Variants in PDE7A observed in about 807,000 individuals in gnomAD.
PDE7A encodes the protein high affinity 3',5'-cyclic-AMP phosphodiesterase 7A.
PDE7A carries 39 observed loss-of-function variants against 64.3 expected under a neutral mutation model. The observed-to-expected ratio is 0.61, with a 90% CI of 0.47 to 0.79. The LOEUF (loss-of-function observed/expected upper bound fraction) is 0.79, where lower values mean the gene tolerates loss of function less well. Ranked by LOEUF, PDE7A falls within the 30% of genes least tolerant of loss-of-function variation. The pLI, the probability that PDE7A is intolerant of heterozygous loss-of-function variation, is 0.00. For missense variants in PDE7A, 470 were observed against 582.8 expected (o/e 0.81, Z 1.99); for synonymous variants, 203 against 206.8 (o/e 0.98, Z 0.16).
intron 1 of PDE7A, among the ~76,000 whole-genome samples, chr8:65,829,326 C>T (rs79079699): frequency 0.016 from 2,485 of 152,140 alleles, 66 homozygotes; most frequent in African/African-American, 0.056. Context: ...CCAAATGACC[C>T]ATTATACTTC....
intron 3 of PDE7A, among the ~76,000 whole-genome samples, chr8:65,761,652 A>C (rs1808500185): frequency 6.6e-6 from 1 of 152,198 alleles, no homozygotes; most frequent in African/African-American, 2.4e-5. Context: ...ACCAAGAACA[A>C]ACTACCAGCC....
intron 1 of PDE7A, among the ~76,000 whole-genome samples, chr8:65,788,403 CGTATTTTAGCA>C (rs774871870): frequency 2.0e-5 from 3 of 152,038 alleles, no homozygotes; most frequent in Non-Finnish European, 4.4e-5. Flanking sequence ...AGCTAAGGCA[CGTATTTTAGCA>C]GTAGCAAGAC....
chr8:65,730,754 C>T (rs1366507027), intron 7 of PDE7A, among the ~76,000 whole-genome samples: 5 of 151,990 alleles, frequency 3.3e-5, no homozygotes, highest in Non-Finnish European at 5.9e-5. Flanking sequence ...ATGGCAAAAC[C>T]CCATCTCTAC....
intron 1 of PDE7A, among the ~76,000 whole-genome samples, chr8:65,831,430 C>T (rs1385502759): frequency 6.6e-6 from 1 of 152,042 alleles, no homozygotes; most frequent in African/African-American, 2.4e-5. Flanking sequence ...TACTTTTTAC[C>T]TCCCAAAGCA....
chr8:65,759,125 C>T (rs909657275), intron 3 of PDE7A, among the ~76,000 whole-genome samples: 4 of 152,176 alleles, frequency 2.6e-5, no homozygotes, highest in African/African-American at 9.7e-5. Context: ...TACGTCTTTT[C>T]CAAACTATTT....
At position 65,777,526 on chromosome 8, in the gene PDE7A, T is replaced by C. The variant is rs1809294892; in HGVS notation, c.283+2194A>G. Reference sequence around the variant, plus strand: ...ATTTGATAATATGTTATTTAGGATGTTTCCTCTATATTCATGAGCGATTTG... The same window carrying C: ...ATTTGATAATATGTTATTTAGGATGCTTCCTCTATATTCATGAGCGATTTG... On this transcript the variant is annotated intron_variant, in intron 3 of 12. Transcript: ENST00000401827. 2.0e-5 allele frequency among the ~76,000 whole-genome samples: 3 copies of C among 152,352 alleles called. No homozygotes were observed. The South Asian group carries it at 6.2e-4, about 32-fold the overall frequency.
rs778557271 is a variant in PDE7A at position 65,716,734 on chromosome 8, G to C, written c.*2556C>G. On this transcript the variant is annotated 3_prime_UTR_variant, in exon 13 of 13. Transcript: ENST00000401827. Reference sequence around the variant, plus strand: ...AGTTACTGTGAGCTTGGTTAATGTGGGTTTGCCATGATAGTTCCACTCTCT... The same window carrying C: ...AGTTACTGTGAGCTTGGTTAATGTGCGTTTGCCATGATAGTTCCACTCTCT... 3.9e-5 allele frequency among the ~76,000 whole-genome samples: 6 copies of C among 152,188 alleles called. No homozygotes were observed. Among genetic ancestry groups the C allele is most frequent in the Non-Finnish European group, 8.8e-5 (6 of 68,040 alleles).
intron 1 of PDE7A, chr8:65,789,179 A>G: frequency 1.6e-6 from 1 of 608,364 alleles, no homozygotes. Context: ...TTGGGGTAGA[A>G]CTGCCTAAGT....
chr8:65,750,474 C>CTG (rs371620919), intron 3 of PDE7A, among the ~76,000 whole-genome samples: 37,977 of 142,240 alleles, frequency 0.27, 5,717 homozygotes, highest in Non-Finnish European at 0.37. Flanking sequence ...ATTAGAATCA[C>CTG]TGTGTGTGTG....
chr8:65,796,351 C>G (rs919262957), intron 1 of PDE7A, among the ~76,000 whole-genome samples: 1 of 151,994 alleles, frequency 6.6e-6, no homozygotes, highest in Non-Finnish European at 1.5e-5. Context: ...TACCTAGATA[C>G]ATAGCAATCA....
chr8:65,721,390 G>C (rs935443707), intron 12 of PDE7A, among the ~76,000 whole-genome samples: 3 of 152,210 alleles, frequency 2.0e-5, no homozygotes, highest in African/African-American at 7.2e-5. Context: ...GAGTTGTTAA[G>C]AGGCTGGGAT....
intron 1 of PDE7A, among the ~76,000 whole-genome samples, chr8:65,794,026 T>C (rs760417814): frequency 8.5e-5 from 13 of 152,188 alleles, no homozygotes; most frequent in Non-Finnish European, 1.9e-4. Context: ...TCTACAGTAA[T>C]GTAACTGACA....
At chr8:65,816,034 CATTTTGGAAAATATCT>C (rs1361051233) in intron 1 of PDE7A, among the ~76,000 whole-genome samples, 2 of 152,038 alleles carry the variant, frequency 1.3e-5, no homozygotes, top group African/African-American at 4.8e-5. Context: ...TCTCCTACTT[CATTTTGGAAAATATCT>C]ATTTTCATTT....
At chr8:65,826,170 C>G (rs1437797347) in intron 1 of PDE7A, among the ~76,000 whole-genome samples, 1 of 152,192 alleles carries the variant, frequency 6.6e-6, no homozygotes, top group Non-Finnish European at 1.5e-5. Context: ...AACCAGATCA[C>G]ATGGGGCCAT....
At chr8:65,727,444 G>T in intron 7 of PDE7A, 143 bp from the exon 8 acceptor site, 1 of 1,177,820 alleles carries the variant, frequency 8.5e-7, no homozygotes, top group Non-Finnish European at 1.2e-6. Context: ...TTGTTCATTA[G>T]GTTCACCAAG....
intron 1 of PDE7A, among the ~76,000 whole-genome samples, chr8:65,830,500 A>C (rs1243975364): frequency 6.6e-6 from 1 of 152,128 alleles, no homozygotes; most frequent in Non-Finnish European, 1.5e-5. Context: ...AAAGTAAAAA[A>C]GGAACAGAAT....
At chr8:65,821,149 C>T (rs527892111) in intron 1 of PDE7A, among the ~76,000 whole-genome samples, 1 of 152,004 alleles carries the variant, frequency 6.6e-6, no homozygotes, top group East Asian at 1.9e-4. Context: ...ACTGAATAGG[C>T]CTTTTTGACT....
chr8:65,775,380 T>A (rs1809230465), intron 3 of PDE7A, among the ~76,000 whole-genome samples: 1 of 152,272 alleles, frequency 6.6e-6, no homozygotes, highest in Non-Finnish European at 1.5e-5. Context: ...TATTTCATTC[T>A]TTCTCATTTA....
intron 1 of PDE7A, among the ~76,000 whole-genome samples, chr8:65,840,313 C>G (rs1811049630): frequency 6.6e-6 from 1 of 152,050 alleles, no homozygotes; most frequent in Non-Finnish European, 1.5e-5. Flanking sequence ...CTTCTACAAA[C>G]ACTTTAGGCA....
Sources: gnomAD v4.1 joint callset for allele counts (sites outside exome capture counted in the v4.1 genomes callset) on GRCh38, gnomAD v4.1.1 for gene constraint, MANE v1.5 for transcripts, NCBI Gene and HGNC (gene_info 2026-07-23, HGNC 2026-07-21) for gene names.